JARID2: variants seen among roughly 807,000 people sequenced by gnomAD.
JARID2 encodes jumonji and AT-rich interaction domain containing 2.
A neutral mutation model predicts 125.6 loss-of-function variants in JARID2; 21 were observed. The ratio of observed to expected loss-of-function variants is 0.17; its 90% confidence interval spans 0.12 to 0.24. JARID2 has a LOEUF of 0.24. Among genes scored for constraint, JARID2 ranks in the 10% least tolerant of loss-of-function variants. The probability of loss-of-function intolerance (pLI) is 1.00; values close to 1 mark genes in which losing one functional copy is unlikely to be tolerated. For synonymous variants in JARID2, 736 were observed against 661.6 expected, an observed-to-expected ratio of 1.11 and a Z score of -1.73; for missense variants, 1,303 against 1,639.6, an observed-to-expected ratio of 0.79 and a Z score of 3.55.
Position 15,520,052 on chromosome 6 carries a change from CT to C in JARID2, c.3559-14del. The C allele has an allele frequency of 6.2e-7, 1 of 1,604,936 alleles. No individual in the cohort carries two copies. The highest frequency in any genetic ancestry group is 1.1e-5 in the South Asian group (1 of 89,828). Reference sequence around the variant, plus strand: ...AATACGGTATGTTAACTGTGTCTTCCTTTCACCCCCAAACAGGAACAGATTA... The same window carrying C: ...AATACGGTATGTTAACTGTGTCTTCCTTCACCCCCAAACAGGAACAGATTA... On this transcript the variant is annotated splice_polypyrimidine_tract_variant and intron_variant, in intron 17 of 17. Coordinates refer to ENST00000341776, the MANE Select transcript of JARID2 (RefSeq NM_004973.4).
At chr6:15,363,298 G>T (rs940954366) in intron 1 of JARID2, among the ~76,000 whole-genome samples, 8 of 152,174 alleles carry the variant, frequency 5.3e-5, no homozygotes, top group African/African-American at 1.9e-4. Context: ...CCCTGAACCA[G>T]CAGCATTAGC....
At chr6:15,427,864 T>C (rs575413971) in intron 3 of JARID2, among the ~76,000 whole-genome samples, 12 of 152,226 alleles carry the variant, frequency 7.9e-5, no homozygotes, top group African/African-American at 2.9e-4. Context: ...TGAGTGCTTA[T>C]ATGGGGTTGT....
At position 15,304,120 on chromosome 6, in the gene JARID2, A is replaced by T. The variant is rs575801845; in HGVS notation, c.45+57536A>T. On this transcript the variant is annotated intron_variant, in intron 1 of 17. Transcript: ENST00000341776. Reference sequence around the variant, plus strand: ...CAACTGCTGTAAACAGTCCTAGAGTAAGTGCAGGTGATAGTGGCTACTCCC... The same window carrying T: ...CAACTGCTGTAAACAGTCCTAGAGTTAGTGCAGGTGATAGTGGCTACTCCC... Among the ~76,000 whole-genome samples the T allele has an allele frequency of 4.6e-4, 70 of 152,262 alleles. 1 individual carries two copies. In the South Asian group the frequency reaches 8.3e-3, roughly 18 times the overall value.
chr6:15,404,255 C>T (rs1014261227), intron 2 of JARID2, among the ~76,000 whole-genome samples: 3 of 152,210 alleles, frequency 2.0e-5, no homozygotes, highest in African/African-American at 7.2e-5. Flanking sequence ...GCTTCACATG[C>T]TGACCTGCAT....
chr6:15,289,264 A>G (rs1446069102), intron 1 of JARID2, among the ~76,000 whole-genome samples: 6 of 152,208 alleles, frequency 3.9e-5, no homozygotes, highest in Admixed American at 6.5e-5. Flanking sequence ...AAGAATAATG[A>G]AAAATAGTTA....
At chr6:15,308,212 C>T (rs568165592) in intron 1 of JARID2, among the ~76,000 whole-genome samples, 1 of 152,218 alleles carries the variant, frequency 6.6e-6, no homozygotes, top group African/African-American at 2.4e-5. Context: ...GAACAAGTGC[C>T]ATGTTAAATA....
chr6:15,309,595 A>AT (rs561196202), intron 1 of JARID2, among the ~76,000 whole-genome samples: 1 of 152,146 alleles, frequency 6.6e-6, no homozygotes, highest in Non-Finnish European at 1.5e-5. Flanking sequence ...TTACAGTTTA[A>AT]TTTTTTTGTC....
At chr6:15,429,505 T>C (rs140463619) in intron 3 of JARID2, among the ~76,000 whole-genome samples, 5 of 152,224 alleles carry the variant, frequency 3.3e-5, no homozygotes, top group South Asian at 2.1e-4. Flanking sequence ...GTGGCCTCAA[T>C]TGATCTTTGC....
intron 1 of JARID2, among the ~76,000 whole-genome samples, chr6:15,366,503 G>A (rs986003031): frequency 1.5e-5 from 2 of 135,780 alleles, no homozygotes; most frequent in East Asian, 4.5e-4. Flanking sequence ...ATATGTGGGT[G>A]GGGGGCGGGG....
At chr6:15,281,914 G>GGTATGTGC (rs1231489466) in intron 1 of JARID2, among the ~76,000 whole-genome samples, 1 of 145,212 alleles carries the variant, frequency 6.9e-6, no homozygotes, top group East Asian at 2.0e-4. Flanking sequence ...CAGGGTCCAG[G>GGTATGTGC]GTATGTGCTC....
chr6:15,405,622 A>G (rs376479809), intron 2 of JARID2, among the ~76,000 whole-genome samples: 3 of 151,546 alleles, frequency 2.0e-5, no homozygotes, highest in East Asian at 1.9e-4. Context: ...CATTCATTCA[A>G]TTTCCTCTGT....
Position 15,331,352 on chromosome 6 carries a change from A to AAC in JARID2, c.46-42764_46-42763insCA, listed in dbSNP as rs200899812. Among the ~76,000 whole-genome samples, 1,144 of 151,486 alleles carry AAC rather than the reference A, an allele frequency of 7.6e-3. 17 individuals carry two copies. The highest frequency in any genetic ancestry group is 0.027 in the African/African-American group (1,096 of 41,320). On this transcript the variant is annotated intron_variant, in intron 1 of 17. Transcript: ENST00000341776. ...TCCTGCCTCAAAAAAAACAAAAACA[A>AAC]AAACAAAAAAAACAAAAAACCTGTA...
intron 1 of JARID2, among the ~76,000 whole-genome samples, chr6:15,331,422 A>G (rs923086124): frequency 6.6e-6 from 1 of 152,140 alleles, no homozygotes; most frequent in Non-Finnish European, 1.5e-5. Flanking sequence ...CCTTAGAAGT[A>G]TAATACTGGA....
At chr6:15,475,189 C>G (rs912356816) in intron 5 of JARID2, among the ~76,000 whole-genome samples, 2 of 152,206 alleles carry the variant, frequency 1.3e-5, no homozygotes, top group Non-Finnish European at 2.9e-5. Flanking sequence ...GAGTATCCAT[C>G]AGTCATCAAA....
At position 15,496,719 on chromosome 6, in the gene JARID2, G is replaced by A; in HGVS notation, c.1494G>A (p.Arg498=). The A allele has an allele frequency of 7.4e-6, 12 of 1,613,626 alleles. No individual in the cohort carries two copies. The highest frequency in any genetic ancestry group is 1.0e-5 in the Non-Finnish European group (12 of 1,179,948). Residue 498 remains arginine (R), a synonymous_variant, in exon 7 of 18, where the codon CGG becomes CGA. Coordinates refer to ENST00000341776, the MANE Select transcript of JARID2 (RefSeq NM_004973.4). ...CGGAGCGCAGTCTGGAGAGGAATCG[G>A]CCGAAGCGGGCCACGGCCGGGAAGA... ...EVPERSLERN[R]PKRATAGKST...
intron 1 of JARID2, among the ~76,000 whole-genome samples, chr6:15,293,478 T>A (rs1761300283): frequency 2.0e-5 from 3 of 152,242 alleles, no homozygotes; most frequent in Admixed American, 2.0e-4. Context: ...GTGGGCAGAA[T>A]TTTTGAACGG....
At chr6:15,328,286 A>G (rs1015357221) in intron 1 of JARID2, among the ~76,000 whole-genome samples, 1 of 152,112 alleles carries the variant, frequency 6.6e-6, no homozygotes. Context: ...AATTCTCCAA[A>G]ACATAGTAAA....
At chr6:15,330,843 C>T (rs1762682616) in intron 1 of JARID2, among the ~76,000 whole-genome samples, 1 of 152,168 alleles carries the variant, frequency 6.6e-6, no homozygotes, top group Admixed American at 6.5e-5. Context: ...TCCTTCCATT[C>T]TTCACTTTCC....
At chr6:15,289,421 A>C (rs145387999) in intron 1 of JARID2, among the ~76,000 whole-genome samples, 21 of 152,190 alleles carry the variant, frequency 1.4e-4, no homozygotes, top group Admixed American at 5.2e-4. Flanking sequence ...TAAAATAGAG[A>C]CAGGTCTTGC....
Sources: allele counts gnomAD v4.1 joint callset (sites outside exome capture counted in the v4.1 genomes callset), GRCh38; gene constraint gnomAD v4.1.1; transcripts MANE v1.5; gene names NCBI Gene and HGNC (gene_info 2026-07-23, HGNC 2026-07-21).